The following RCL1 variants were observed in gnomAD, a reference collection of about 807,000 sequenced individuals.
RCL1 encodes RNA 3'-terminal phosphate cyclase-like protein.
A neutral mutation model predicts 42.4 loss-of-function variants in RCL1; 24 were observed. The ratio of observed to expected loss-of-function variants is 0.57; its 90% CI spans 0.41 to 0.80. RCL1 has a LOEUF of 0.80. Among genes scored for constraint, RCL1 ranks in the 30% least tolerant of loss-of-function variants. The pLI is 0.00. For synonymous variants in RCL1, 228 were observed against 177.3 expected, an observed-to-expected ratio of 1.29 and a Z score of -2.27; for missense variants, 578 against 467.9, an observed-to-expected ratio of 1.24 and a Z score of -2.17.
chr9:4,858,577 T>C (rs1265824001), intron 8 of RCL1, among the ~76,000 whole-genome samples: 2 of 152,348 alleles, frequency 1.3e-5, no homozygotes, highest in East Asian at 3.9e-4. Context: ...TTCTTTCACC[T>C]GTGGATATCC....
At chr9:4,842,672 G>C (rs149323602) in intron 6 of RCL1, among the ~76,000 whole-genome samples, 2 of 152,236 alleles carry the variant, frequency 1.3e-5, no homozygotes, top group Non-Finnish European at 2.9e-5. Context: ...CTTGTCACAT[G>C]GTAAGTCCTA....
At chr9:4,802,661 A>G (rs1843024258) in intron 1 of RCL1, among the ~76,000 whole-genome samples, 1 of 152,246 alleles carries the variant, frequency 6.6e-6, no homozygotes, top group Admixed American at 6.5e-5. Context: ...AATATACGGA[A>G]GTAGTTTACT....
chr9:4,854,689 C>T (rs1354151948), intron 8 of RCL1, among the ~76,000 whole-genome samples: 10 of 152,152 alleles, frequency 6.6e-5, no homozygotes, highest in African/African-American at 9.7e-5. Flanking sequence ...TGGGATTCAA[C>T]GGACCCATGA....
At chr9:4,859,138 A>AC (rs758652539) in intron 8 of RCL1, among the ~76,000 whole-genome samples, 1 of 152,164 alleles carries the variant, frequency 6.6e-6, no homozygotes, top group East Asian at 1.9e-4. Flanking sequence ...GCCAGGCGAG[A>AC]CCATTAGAAG....
intron 1 of RCL1, among the ~76,000 whole-genome samples, chr9:4,799,274 G>T (rs560043952): frequency 6.6e-6 from 1 of 151,926 alleles, no homozygotes; most frequent in Non-Finnish European, 1.5e-5. Flanking sequence ...GTGCCTGGCC[G>T]TAAGTGCTAC....
In RCL1 at chr9:4,849,553, A is replaced by G; in HGVS notation, c.971+3A>G. The G allele has an allele frequency of 6.2e-7, 1 of 1,604,292 alleles. No homozygotes were observed. The highest frequency in any genetic ancestry group is 1.3e-5 in the African/African-American group (1 of 74,864). On this transcript the variant is annotated splice_donor_region_variant and intron_variant, in intron 8 of 8. Coordinates refer to ENST00000381750, the MANE Select transcript of RCL1 (RefSeq NM_005772.5). ...CTAGGCCCTCTCTCTCCCTACACGT[A>G]AGTTATTCTTTTTCAACCTCGTTAT...
At chr9:4,836,588 A>G (rs1188278306) in intron 5 of RCL1, 1 of 151,520 alleles carries the variant, frequency 6.6e-6, no homozygotes, top group East Asian at 1.9e-4. Flanking sequence ...AGGCTGTGGG[A>G]TGACTTTCCT....
At chr9:4,834,952 T>A (rs1817072217) in intron 5 of RCL1, among the ~76,000 whole-genome samples, 2 of 152,210 alleles carry the variant, frequency 1.3e-5, no homozygotes, top group South Asian at 4.1e-4. Flanking sequence ...GACTCTAAAG[T>A]ACAGGCATTT....
chr9:4,810,584 G>C (rs1039948372), intron 1 of RCL1, among the ~76,000 whole-genome samples: 4 of 151,874 alleles, frequency 2.6e-5, no homozygotes, highest in African/African-American at 9.7e-5. Flanking sequence ...TGAAAATTTG[G>C]CTTGTTTCCA....
chr9:4,860,016 T>C (rs1278417755), intron 8 of RCL1, 109 bp from the exon 9 acceptor site: 1 of 698,964 alleles, frequency 1.4e-6, no homozygotes, highest in African/African-American at 1.8e-5. Context: ...GGTCTTAACT[T>C]CAGCCCTCTA....
At chr9:4,839,148 G>C (rs1410605680) in intron 5 of RCL1, among the ~76,000 whole-genome samples, 3 of 152,194 alleles carry the variant, frequency 2.0e-5, no homozygotes, top group Non-Finnish European at 2.9e-5. Context: ...TCCATGCCAA[G>C]CCAGATGGTT....
rs1842853737 is a variant in RCL1, at chr9:4,793,031, T to C, written c.-61T>C. 6.5e-7 allele frequency: 1 copy of C among 1,549,650 alleles called. No individual in the cohort carries two copies. The highest frequency in any genetic ancestry group is 8.7e-7 in the Non-Finnish European group (1 of 1,144,854). On this transcript the variant is annotated 5_prime_UTR_variant, in exon 1 of 9. Coordinates refer to ENST00000381750, the MANE Select transcript of RCL1 (RefSeq NM_005772.5). ...CCACCACCACCATCGGAGTCACGAG[T>C]CCCGCGTCTGTCCGAAGTCGCCGCT...
chr9:4,803,265 C>G (rs945130123), intron 1 of RCL1, among the ~76,000 whole-genome samples: 2 of 152,130 alleles, frequency 1.3e-5, no homozygotes, highest in African/African-American at 4.8e-5. Flanking sequence ...CTTTGGCTTC[C>G]TTGTTTAGTG....
intron 5 of RCL1, among the ~76,000 whole-genome samples, chr9:4,836,991 C>T (rs967438938): frequency 6.6e-6 from 1 of 152,158 alleles, no homozygotes; most frequent in East Asian, 1.9e-4. Flanking sequence ...CAGGAGAGAA[C>T]AGGCAAAAGG....
chr9:4,809,471 G>A (rs137900795), intron 1 of RCL1, among the ~76,000 whole-genome samples: 3,997 of 151,896 alleles, frequency 0.026, 148 homozygotes, highest in African/African-American at 0.088. Context: ...CACCACACCC[G>A]GCTAATTTTT....
chr9:4,827,967 A>G (rs1014234732), intron 3 of RCL1, among the ~76,000 whole-genome samples: 2 of 152,018 alleles, frequency 1.3e-5, no homozygotes, highest in African/African-American at 2.4e-5. Flanking sequence ...CGGGCAGATC[A>G]TGAGGTCAGG....
Position 4,792,982 on chromosome 9 carries a change from G to A in RCL1, c.-110G>A, listed in dbSNP as rs1023853784. 2.3e-5 allele frequency: 31 copies of A among 1,320,154 alleles called. No homozygotes were observed. The highest frequency in any genetic ancestry group is 2.9e-5 in the South Asian group (2 of 69,006). The allele number at this position is 1,320,154 out of a possible 1,614,324, so 81.8% of individuals were successfully genotyped here. A position where few individuals can be genotyped will look rare whatever the true frequency, so the allele number is the denominator to read the frequency against. On this transcript the variant is annotated 5_prime_UTR_variant, in exon 1 of 9. Transcript: ENST00000381750. ...GCGTCTGGGCTGCTGGAGGCAGCCC[G>A]AGCCGCCGCCGTCGGTGTCGCCGCC...
intron 6 of RCL1, among the ~76,000 whole-genome samples, chr9:4,843,313 A>C (rs933238918): frequency 6.6e-6 from 1 of 152,118 alleles, no homozygotes; most frequent in African/African-American, 2.4e-5. Flanking sequence ...TTGGTGGCCT[A>C]TGTCAGCGCT....
At chr9:4,836,996 A>T (rs957346024) in intron 5 of RCL1, among the ~76,000 whole-genome samples, 1 of 152,216 alleles carries the variant, frequency 6.6e-6, no homozygotes, top group Non-Finnish European at 1.5e-5. Flanking sequence ...GAGAACAGGC[A>T]AAAGGAGAAA....
Sources: gnomAD v4.1 joint callset for allele counts (sites outside exome capture counted in the v4.1 genomes callset) on GRCh38, gnomAD v4.1.1 for gene constraint, MANE v1.5 for transcripts, NCBI Gene and HGNC (gene_info 2026-07-23, HGNC 2026-07-21) for gene names.